BBS9: variants seen among roughly 807,000 people sequenced by gnomAD.
BBS9 encodes the protein Bardet-Biedl syndrome 9, also known as protein PTHB1.
BBS9 carries 89 observed loss-of-function variants against 117.7 expected under a neutral mutation model. That is an observed-to-expected ratio of 0.76 (90% confidence interval 0.64 to 0.90). The LOEUF is 0.90. BBS9 is among the 40% of genes least tolerant of loss of function. BBS9 has a pLI of 0.00. For missense variants in BBS9, 982 were observed against 1,042.2 expected (o/e 0.94, Z 0.80); for synonymous variants, 379 against 370.9 (o/e 1.02, Z -0.25).
chr7:33,398,876 G>A (rs946478438), intron 19 of BBS9, among the ~76,000 whole-genome samples: 12 of 152,168 alleles, frequency 7.9e-5, no homozygotes, highest in African/African-American at 2.9e-4. Context: ...AGTAGAGACA[G>A]GCTTTCACCA....
intron 19 of BBS9, among the ~76,000 whole-genome samples, chr7:33,480,749 G>T (rs1842418695): frequency 6.7e-6 from 1 of 149,668 alleles, no homozygotes; most frequent in South Asian, 2.2e-4. Context: ...ATGTCATATG[G>T]TTAGGCTTTG....
chr7:33,183,922 C>T (rs1798434792), intron 5 of BBS9, among the ~76,000 whole-genome samples: 1 of 152,026 alleles, frequency 6.6e-6, no homozygotes, highest in East Asian at 1.9e-4. Context: ...TGTCCTAAGC[C>T]CATGTTCAAT....
rs35454084 is a variant in BBS9, at chr7:33,328,993, TTTTATTTATTTA to T, written c.1017-7424_1017-7413del. On this transcript the variant is annotated intron_variant, in intron 9 of 22. Coordinates refer to ENST00000242067, the MANE Select transcript of BBS9 (RefSeq NM_198428.3). ...TTAAAAAAGGATAAGGTTTTCCTTC[TTTTATTTATTTA>T]TTTATTTATTTATTTATTTATTTGT... is the stretch of plus-strand genomic sequence containing the variant. Among the ~76,000 whole-genome samples the T allele has an allele frequency of 6.1e-3, 891 of 145,438 alleles. 8 individuals are homozygous for T. The highest frequency in any genetic ancestry group is 0.013 in the African/African-American group (509 of 39,732).
chr7:33,521,449 A>C (rs1042982529), intron 20 of BBS9, among the ~76,000 whole-genome samples: 9 of 152,202 alleles, frequency 5.9e-5, no homozygotes, highest in Non-Finnish European at 1.0e-4. Flanking sequence ...AACCTCAATT[A>C]AGTTTTTTCA....
intron 4 of BBS9, among the ~76,000 whole-genome samples, chr7:33,173,754 T>G (rs1022677461): frequency 1.3e-5 from 2 of 152,154 alleles, no homozygotes; most frequent in African/African-American, 4.8e-5. Context: ...TGTTAGACTT[T>G]ACTGCTTCTG....
chr7:33,630,760 A>G (rs1865853583), intron 21 of BBS9, among the ~76,000 whole-genome samples: 1 of 152,128 alleles, frequency 6.6e-6, no homozygotes, highest in Non-Finnish European at 1.5e-5. Context: ...CTCTGGTGAC[A>G]TTGCACTCCT....
chr7:33,357,602 A>C (rs570703488), intron 15 of BBS9: 1 of 514,648 alleles, frequency 1.9e-6, no homozygotes, highest in South Asian at 2.0e-5. Context: ...TGATTTTAAA[A>C]ATATGATACT....
At chr7:33,204,021 C>A (rs1786429639) in intron 5 of BBS9, among the ~76,000 whole-genome samples, 1 of 151,114 alleles carries the variant, frequency 6.6e-6, no homozygotes, top group African/African-American at 2.4e-5. Flanking sequence ...CCACGCCCGG[C>A]CAGAACGAAC....
At chr7:33,613,308 G>C (rs1158716969) in intron 21 of BBS9, among the ~76,000 whole-genome samples, 2 of 152,076 alleles carry the variant, frequency 1.3e-5, no homozygotes, top group Non-Finnish European at 2.9e-5. Flanking sequence ...ATGTAAGACT[G>C]TTGTTCCCTA....
At chr7:33,630,153 A>G (rs1440155797) in intron 21 of BBS9, among the ~76,000 whole-genome samples, 1 of 152,234 alleles carries the variant, frequency 6.6e-6, no homozygotes, top group Non-Finnish European at 1.5e-5. Context: ...CCCTTGTCAA[A>G]TAATGATTAA....
intron 19 of BBS9, among the ~76,000 whole-genome samples, chr7:33,410,824 C>T (rs1273915887): frequency 1.3e-5 from 2 of 152,028 alleles, no homozygotes; most frequent in African/African-American, 4.8e-5. Flanking sequence ...CAACATAGAC[C>T]TGCCTCCTAC....
intron 9 of BBS9, among the ~76,000 whole-genome samples, chr7:33,321,006 C>A (rs1811599615): frequency 1.3e-5 from 2 of 151,984 alleles, no homozygotes; most frequent in Non-Finnish European, 2.9e-5. Context: ...AATATATGTT[C>A]TTGACAGCCT....
intron 7 of BBS9, 136 bp from the exon 8 acceptor site, chr7:33,272,869 AAAAGAAT>A: frequency 3.5e-6 from 3 of 860,412 alleles, no homozygotes; most frequent in Non-Finnish European, 5.5e-6. Flanking sequence ...AGTGATAAAA[AAAAGAAT>A]AAAGAAATGA....
chr7:33,391,131 T>C (rs2128764746), intron 19 of BBS9, among the ~76,000 whole-genome samples: 1 of 152,262 alleles, frequency 6.6e-6, no homozygotes, highest in Non-Finnish European at 1.5e-5. Context: ...ACCTACCTTA[T>C]TATCACATAC....
At chr7:33,605,068 G>T in intron 22 of BBS9, 93 bp downstream of exon 22, 1 of 1,465,660 alleles carries the variant, frequency 6.8e-7, no homozygotes, top group East Asian at 2.3e-5. Flanking sequence ...ATTCCGCAAA[G>T]CTGCTTGTTT....
intron 9 of BBS9, among the ~76,000 whole-genome samples, chr7:33,333,821 A>G (rs1443988646): frequency 6.6e-6 from 1 of 152,158 alleles, no homozygotes; most frequent in Non-Finnish European, 1.5e-5. Context: ...CACATTGGCC[A>G]GGCTGGTTTT....
intron 20 of BBS9, chr7:33,533,747 T>C (rs1850940679): frequency 1.7e-6 from 1 of 602,346 alleles, no homozygotes; most frequent in Admixed American, 2.7e-5. Context: ...AGGATGAGGC[T>C]AAGAGGAATT....
chr7:33,236,400 G>A (rs567411180), intron 5 of BBS9, among the ~76,000 whole-genome samples: 1 of 150,682 alleles, frequency 6.6e-6, no homozygotes, highest in Admixed American at 6.6e-5. Context: ...TGTGGATGTT[G>A]TTAAATTTTA....
At chr7:33,466,354 T>G (rs923615001) in intron 19 of BBS9, among the ~76,000 whole-genome samples, 5 of 152,084 alleles carry the variant, frequency 3.3e-5, no homozygotes, top group Admixed American at 1.3e-4. Context: ...CATTCTACTT[T>G]GGCTTCTTTA....
Sources: gnomAD v4.1 joint callset for allele counts (sites outside exome capture counted in the v4.1 genomes callset) on GRCh38, gnomAD v4.1.1 for gene constraint, MANE v1.5 for transcripts, NCBI Gene and HGNC (gene_info 2026-07-23, HGNC 2026-07-21) for gene names.